Variants in NUP188 observed in about 807,000 individuals in gnomAD.
NUP188 encodes the protein nucleoporin 188.
In NUP188, 97 loss-of-function variants were observed where a neutral mutation model predicts 223.0. The observed-to-expected ratio is 0.43, with a 90% CI of 0.37 to 0.51. NUP188 has a LOEUF of 0.51. Among genes scored for constraint, NUP188 ranks in the 20% least tolerant of loss-of-function variants. The pLI, the probability that NUP188 is intolerant of heterozygous loss-of-function variation, is 0.00. For synonymous variants in NUP188, 869 were observed against 828.0 expected (o/e 1.05, Z -0.85); for missense variants, 1,947 against 2,175.6 (o/e 0.89, Z 2.09).
intron 41 of NUP188, 96 bp from the exon 42 acceptor site, chr9:129,005,954 A>G: frequency 6.9e-7 from 1 of 1,455,210 alleles, no homozygotes; most frequent in Non-Finnish European, 9.6e-7. Context: ...GAGGTAACTG[A>G]TTAAATTTGC....
At chr9:128,957,289 G>T (rs1017722194) in intron 5 of NUP188, among the ~76,000 whole-genome samples, 1 of 152,070 alleles carries the variant, frequency 6.6e-6, no homozygotes, top group Non-Finnish European at 1.5e-5. Context: ...AGTGAACTGT[G>T]ATCGCACTAC....
intron 30 of NUP188, among the ~76,000 whole-genome samples, chr9:128,997,673 G>T (rs892388917): frequency 6.6e-5 from 10 of 151,236 alleles, no homozygotes; most frequent in African/African-American, 2.2e-4. Context: ...ATTTTTTGTT[G>T]TTGTTGAGAT....
At chr9:128,999,462 A>G (rs1352404754) in intron 33 of NUP188, 145 bp downstream of exon 33, 3 of 1,272,260 alleles carry the variant, frequency 2.4e-6, no homozygotes, top group East Asian at 2.5e-5. Context: ...CAAGAAAGCT[A>G]TTTTTTTCCC....
intron 24 of NUP188, 87 bp from the exon 25 acceptor site, chr9:128,990,033 C>T: frequency 2.0e-6 from 2 of 1,013,484 alleles, no homozygotes; most frequent in Non-Finnish European, 3.1e-6. Flanking sequence ...TTCACATACA[C>T]ACTGTGGGTC....
chr9:128,978,424 G>A (rs1454936068), intron 12 of NUP188, among the ~76,000 whole-genome samples: 3 of 151,418 alleles, frequency 2.0e-5, no homozygotes, highest in Non-Finnish European at 4.4e-5. Flanking sequence ...TTAGCTGGGC[G>A]TGGTGGCAGG....
intron 8 of NUP188, among the ~76,000 whole-genome samples, chr9:128,962,058 C>T (rs941985670): frequency 2.0e-5 from 3 of 151,480 alleles, no homozygotes; most frequent in East Asian, 1.9e-4. Context: ...GCCTCAGCCT[C>T]CTGAGTAGGT....
intron 3 of NUP188, among the ~76,000 whole-genome samples, chr9:128,955,023 G>C (rs1488172193): frequency 6.6e-6 from 1 of 151,770 alleles, no homozygotes; most frequent in Non-Finnish European, 1.5e-5. Context: ...GCTAATTTTT[G>C]TATTTTTAGT....
chr9:128,954,990 A>G (rs1006279718), intron 3 of NUP188, among the ~76,000 whole-genome samples: 4 of 152,024 alleles, frequency 2.6e-5, no homozygotes, highest in South Asian at 2.1e-4. Flanking sequence ...AGCTGGGACT[A>G]CAGGTGCATG....
chr9:128,952,461 G>A (rs57908811), intron 2 of NUP188, among the ~76,000 whole-genome samples: 4,507 of 151,282 alleles, frequency 0.03, 220 homozygotes, highest in African/African-American at 0.1. Context: ...CTTGGCTCAC[G>A]CCTGTAATCC....
intron 34 of NUP188, among the ~76,000 whole-genome samples, chr9:129,001,182 T>C (rs1328975881): frequency 6.6e-6 from 1 of 151,730 alleles, no homozygotes; most frequent in African/African-American, 2.4e-5. Context: ...GGCAGGGTCG[T>C]AGGGGTCCCT....
At chr9:128,968,323 C>T (rs560788274) in intron 8 of NUP188, among the ~76,000 whole-genome samples, 183 bp from the exon 9 acceptor site, 3 of 152,210 alleles carry the variant, frequency 2.0e-5, no homozygotes, top group South Asian at 2.1e-4. Flanking sequence ...CGCCTGTAGT[C>T]TCAGCTATTT....
In NUP188 at chr9:128,995,304, T is replaced by C; in HGVS notation, c.3156-15T>C. 6.2e-7 allele frequency: 1 copy of C among 1,607,136 alleles called. No individual in the cohort carries two copies. Among genetic ancestry groups the C allele is most frequent in the Non-Finnish European group, 8.5e-7 (1 of 1,173,958 alleles). ...CTTTCAAAATCTAACTGGAGGTTTT[T>C]TCTTGACACTGTAGGGGTTCATTAG... On this transcript the variant is annotated splice_polypyrimidine_tract_variant and intron_variant, in intron 29 of 43. Coordinates refer to ENST00000372577, the MANE Select transcript of NUP188 (RefSeq NM_015354.3).
intron 22 of NUP188, among the ~76,000 whole-genome samples, chr9:128,987,185 T>G (rs1165580461): frequency 6.7e-6 from 1 of 150,342 alleles, no homozygotes; most frequent in Non-Finnish European, 1.5e-5. Flanking sequence ...GTTACAAAAG[T>G]TCATTCCTGA....
intron 34 of NUP188, among the ~76,000 whole-genome samples, chr9:129,000,135 A>C (rs964118364): frequency 1.3e-5 from 2 of 152,166 alleles, no homozygotes; most frequent in Non-Finnish European, 2.9e-5. Context: ...GCAGGGGAAA[A>C]AGTTGATCTG....
intron 2 of NUP188, among the ~76,000 whole-genome samples, chr9:128,952,484 A>AG (rs1343934778): frequency 1.3e-5 from 2 of 151,358 alleles, no homozygotes; most frequent in African/African-American, 4.9e-5. Context: ...GCACTTTGGG[A>AG]GGCCAAGGCA....
rs550498774 is a variant in NUP188 at position 128,947,741 on chromosome 9, C to T, written c.22C>T (p.Pro8Ser). MAAAAGG[P>S]CVRSSRELWT... ...GAAGATGGCGGCGGCCGCCGGCGGG[C>T]CGTGTGTGAGGTGCGGAGCGGGTCG... Residue 8 changes from proline (P) to serine (S), a missense_variant, in exon 1 of 44, where the codon CCG (proline) becomes TCG (serine). Physicochemically the swap from Pro to Ser is moderately conservative, Grantham distance 74. This residue lies in a region of NUP188 where 817 missense variants were observed against 865.8 expected (regional missense o/e 0.94). Transcript: ENST00000372577. The T allele has an allele frequency of 1.2e-5, 17 of 1,472,704 alleles. 1 individual carries two copies. The highest frequency in any genetic ancestry group is 9.2e-5 in the South Asian group (7 of 76,282). The allele number at this position is 1,472,704 out of a possible 1,614,324, so 91.2% of individuals were successfully genotyped here.
intron 16 of NUP188, 25 bp from the exon 17 acceptor site, chr9:128,982,877 G>A: frequency 1.2e-6 from 2 of 1,613,922 alleles, no homozygotes; most frequent in Non-Finnish European, 8.5e-7. Context: ...TTTGCCGTGA[G>A]GTCACAGGCT....
At chr9:128,974,374 C>T (rs1010664584) in intron 12 of NUP188, among the ~76,000 whole-genome samples, 1 of 149,250 alleles carries the variant, frequency 6.7e-6, no homozygotes, top group Non-Finnish European at 1.5e-5. Context: ...AGTAAGTCTT[C>T]TGCAGCAGGT....
chr9:128,947,879 C>T (rs1396794725), intron 1 of NUP188, 128 bp downstream of exon 1: 9 of 881,306 alleles, frequency 1.0e-5, no homozygotes, highest in Non-Finnish European at 1.4e-5. Context: ...GATGGACGGG[C>T]ACCGAGACGG....
Sources: allele counts gnomAD v4.1 joint callset (sites outside exome capture counted in the v4.1 genomes callset), GRCh38; gene constraint gnomAD v4.1.1; regional missense constraint gnomAD v4.1.1; transcripts MANE v1.5; gene names NCBI Gene and HGNC (gene_info 2026-07-23, HGNC 2026-07-21).